Variants in FAM13B observed in about 807,000 individuals in gnomAD.
FAM13B encodes family with sequence similarity 13 member B.
A neutral mutation model predicts 117.3 loss-of-function variants in FAM13B; 60 were observed. The ratio of observed to expected loss-of-function variants is 0.51; its 90% CI spans 0.42 to 0.63. FAM13B has a LOEUF of 0.63. FAM13B is among the 30% of genes least tolerant of loss of function. The pLI, the probability that FAM13B is intolerant of heterozygous loss-of-function variation, is 0.00. For synonymous variants in FAM13B, 332 were observed against 356.1 expected (o/e 0.93, Z 0.76); for missense variants, 972 against 1,091.9 (o/e 0.89, Z 1.55).
intron 7 of FAM13B, among the ~76,000 whole-genome samples, chr5:137,999,873 A>G (rs1179767356): frequency 6.6e-6 from 1 of 152,094 alleles, no homozygotes; most frequent in Non-Finnish European, 1.5e-5. Context: ...AGTCTAACTC[A>G]TGAGGACCCC....
chr5:138,015,566 G>C (rs1055213250), intron 4 of FAM13B, among the ~76,000 whole-genome samples: 6 of 152,138 alleles, frequency 3.9e-5, no homozygotes, highest in Non-Finnish European at 8.8e-5. Context: ...AGCTGGGTAT[G>C]GTAGCACACA....
intron 1 of FAM13B, among the ~76,000 whole-genome samples, chr5:138,027,422 T>C (rs1277647188): frequency 6.6e-6 from 1 of 152,196 alleles, no homozygotes; most frequent in Admixed American, 6.5e-5. Context: ...CTTTACATCA[T>C]TAAACCAAAA....
At chr5:137,965,179 A>T (rs1017646049) in intron 10 of FAM13B, among the ~76,000 whole-genome samples, 1 of 152,168 alleles carries the variant, frequency 6.6e-6, no homozygotes, top group East Asian at 1.9e-4. Flanking sequence ...AAAAAAATAT[A>T]AAATATATAA....
intron 10 of FAM13B, among the ~76,000 whole-genome samples, chr5:137,978,182 A>C (rs1774580565): frequency 6.6e-6 from 1 of 152,234 alleles, no homozygotes; most frequent in East Asian, 1.9e-4. Context: ...TGATTTATCT[A>C]ATCATTTTCC....
chr5:138,019,943 T>C (rs764589547), intron 2 of FAM13B: 21 of 754,116 alleles, frequency 2.8e-5, no homozygotes, highest in Non-Finnish European at 3.4e-5. Flanking sequence ...GCCCCCAAAG[T>C]GCTGGGATTA....
At chr5:137,997,074 A>G (rs1167488551) in intron 7 of FAM13B, among the ~76,000 whole-genome samples, 1 of 152,250 alleles carries the variant, frequency 6.6e-6, no homozygotes, top group Admixed American at 6.5e-5. Flanking sequence ...AAAAGATTAC[A>G]AAGCACAGGG....
At chr5:137,983,639 A>G (rs1776446971) in intron 10 of FAM13B, among the ~76,000 whole-genome samples, 1 of 152,224 alleles carries the variant, frequency 6.6e-6, no homozygotes, top group Admixed American at 6.5e-5. Context: ...TATAGAAGCA[A>G]TAACTGAAAA....
At chr5:137,970,715 C>T (rs1342193392) in intron 10 of FAM13B, among the ~76,000 whole-genome samples, 1 of 152,126 alleles carries the variant, frequency 6.6e-6, no homozygotes, top group African/African-American at 2.4e-5. Flanking sequence ...TCAGGAAACC[C>T]ATCTCACGGG....
In FAM13B at chr5:137,940,102, C is replaced by G. The variant is rs371782450; in HGVS notation, c.*123G>C. The stretch of plus-strand genomic sequence containing the variant: ...TTGTTTTGTTTAGTGGCACCACAAC[C>G]AAGTACAAAATGAGATTCTCTGAGT... On this transcript the variant is annotated 3_prime_UTR_variant, in exon 24 of 24. Coordinates refer to ENST00000689681, the MANE Select transcript of FAM13B (RefSeq NM_001385994.1). The G allele has an allele frequency of 6.2e-7, 1 of 1,614,108 alleles. No homozygotes were observed. The highest frequency in any genetic ancestry group is 8.5e-7 in the Non-Finnish European group (1 of 1,179,998).
At chr5:137,948,383 C>A (rs993321477) in intron 18 of FAM13B, among the ~76,000 whole-genome samples, 13 of 151,986 alleles carry the variant, frequency 8.6e-5, no homozygotes, top group Non-Finnish European at 1.9e-4. Context: ...AAGCTAAGGT[C>A]TGTAGGTCTG....
intron 7 of FAM13B, among the ~76,000 whole-genome samples, chr5:137,998,585 C>CG (rs1581210752): frequency 2.0e-5 from 3 of 152,198 alleles, no homozygotes; most frequent in Admixed American, 6.5e-5. Flanking sequence ...GACTAAGACT[C>CG]TAAGAAAAAC....
rs538463662 is a variant in FAM13B, at chr5:137,942,036, T to C, written c.2598A>G (p.Leu866=). 7.4e-6 allele frequency: 12 copies of C among 1,613,636 alleles called. No homozygotes were observed. In the East Asian group the frequency reaches 2.5e-4, roughly 33 times the overall value. The change falls in exon 23 of 24, where the codon TTA becomes TTG. Residue 866 remains leucine, a synonymous_variant. Coordinates refer to ENST00000689681, the MANE Select transcript of FAM13B (RefSeq NM_001385994.1). ...CTCTGGCTTTCCAAAGTTGTTCCAATAATTCAGGCCTAGAATTGAAATGGT... is the reference window on the plus strand; with the variant it reads ...CTCTGGCTTTCCAAAGTTGTTCCAACAATTCAGGCCTAGAATTGAAATGGT... ...SSSRAASMPE[L]LEQLWKARAE... is the part of the protein sequence containing the mutation.
chr5:138,046,738 CTTTTCTTT>C (rs1263824574), intron 1 of FAM13B, among the ~76,000 whole-genome samples: 4 of 151,980 alleles, frequency 2.6e-5, no homozygotes, highest in African/African-American at 9.7e-5. Context: ...GGTATTTCTT[CTTTTCTTT>C]TTTTCTTTTC....
At chr5:138,029,909 G>A (rs937301103) in intron 1 of FAM13B, among the ~76,000 whole-genome samples, 2 of 152,122 alleles carry the variant, frequency 1.3e-5, no homozygotes, top group Non-Finnish European at 1.5e-5. Context: ...TAAAGCAAGA[G>A]ATAAGAATCT....
upstream of FAM13B, among the ~76,000 whole-genome samples, chr5:138,034,995 C>CTTTTTTTTT (rs557807234): frequency 0.033 from 1,124 of 34,372 alleles, 390 homozygotes; most frequent in Non-Finnish European, 0.044. Flanking sequence ...ATTCCCTTGC[C>CTTTTTTTTT]TTTTTTTTTT....
rs141553094 is a variant in FAM13B at position 138,003,644 on chromosome 5, C to A, written c.848+3346G>T. Among the ~76,000 whole-genome samples, 181 of 152,266 alleles carry A rather than the reference C, an allele frequency of 1.2e-3. 3 individuals are homozygous for A. The East Asian group carries it at 0.031, about 26-fold the overall frequency. ...AGCTCCTCCCTCCATCCCGCACCGT[C>A]CTCAGAGACACATAAATCACAATGA... On this transcript the variant is annotated intron_variant, in intron 7 of 23. Transcript: ENST00000689681.
chr5:138,012,697 G>A (rs938695308), intron 4 of FAM13B, among the ~76,000 whole-genome samples: 1 of 152,052 alleles, frequency 6.6e-6, no homozygotes, highest in Non-Finnish European at 1.5e-5. Context: ...AGTGCTCAGA[G>A]GTCCTCTCGA....
chr5:137,941,732 G>A (rs1673479645), intron 23 of FAM13B, among the ~76,000 whole-genome samples: 2 of 152,120 alleles, frequency 1.3e-5, no homozygotes, highest in South Asian at 4.1e-4. Flanking sequence ...AGGACAATCC[G>A]AAAATAGTTA....
chr5:138,028,981 T>C (rs1279996335), intron 1 of FAM13B, among the ~76,000 whole-genome samples: 2 of 151,990 alleles, frequency 1.3e-5, no homozygotes, highest in Admixed American at 6.6e-5. Flanking sequence ...ATCGCCGCCA[T>C]TGCACTCCAG....
Sources: gnomAD v4.1 joint callset for allele counts (sites outside exome capture counted in the v4.1 genomes callset) on GRCh38, gnomAD v4.1.1 for gene constraint, MANE v1.5 for transcripts, NCBI Gene and HGNC (gene_info 2026-07-23, HGNC 2026-07-21) for gene names.